POM121C: variants seen among roughly 807,000 people sequenced by gnomAD.
The protein encoded by POM121C is nuclear envelope pore membrane protein POM 121C.
Under a neutral mutation model 66.4 loss-of-function variants are expected in POM121C, and 20 were observed. The observed-to-expected ratio is 0.30, with a 90% CI of 0.21 to 0.44. POM121C has a LOEUF of 0.44. Among genes scored for constraint, POM121C ranks in the 20% least tolerant of loss-of-function variants. The pLI, the probability that POM121C is intolerant of heterozygous loss-of-function variation, is 1.00. For synonymous variants in POM121C, 286 were observed against 528.0 expected (o/e 0.54, Z 6.28); for missense variants, 580 against 1,225.7 (o/e 0.47, Z 7.87).
At chr7:75,442,055 G>A (rs1790670986) in intron 3 of POM121C, 3 of 1,273,906 alleles carry the variant, frequency 2.4e-6, no homozygotes, top group African/African-American at 3.1e-5. Flanking sequence ...CTTCGGATTT[G>A]ATGAAAATGC....
intron 1 of POM121C, among the ~76,000 whole-genome samples, chr7:75,476,246 G>A (rs1164755588): frequency 1.3e-5 from 2 of 150,230 alleles, no homozygotes; most frequent in Non-Finnish European, 3.0e-5. Flanking sequence ...AGCTGTGAAT[G>A]CAACACTGCA....
chr7:75,437,511 G>C lies in POM121C; in HGVS notation c.480+4C>G. On this transcript the variant is annotated splice_donor_region_variant and intron_variant, in intron 7 of 14. Transcript: ENST00000615331. ...CCCCCACATTACAAGAGCTGTACTTGTACCTGTGAGATGCCTCGAGTGGAG... is the reference window on the plus strand; with the variant it reads ...CCCCCACATTACAAGAGCTGTACTTCTACCTGTGAGATGCCTCGAGTGGAG... 1 of 1,610,946 alleles carries C rather than the reference G, an allele frequency of 6.2e-7. No individual in the cohort carries two copies. The highest frequency in any genetic ancestry group is 1.3e-5 in the African/African-American group (1 of 74,892).
chr7:75,472,616 C>G (rs1791920456), intron 3 of POM121C, among the ~76,000 whole-genome samples: 1 of 151,862 alleles, frequency 6.6e-6, no homozygotes, highest in African/African-American at 2.4e-5. Context: ...ACCAGCCTGA[C>G]CAATATGGTG....
chr7:75,441,465 G>A lies in POM121C; in HGVS notation c.32C>T (p.Ala11Val), dbSNP rs1309669156. The change falls in exon 4 of 15, where the codon GCC becomes GTC. Residue 11 changes from alanine (A) to valine (V), a missense_variant. Transcript: ENST00000615331. ...ACGTGAAAATCTTCTGTCAGGAGGG[G>A]CGATCCTCACAGTCACTGGGCTACA... MVCSPVTVRI[A>V]PPDRRFSRSA... 1 of 1,613,822 alleles carries A rather than the reference G, an allele frequency of 6.2e-7. No individual in the cohort carries two copies. Among genetic ancestry groups the A allele is most frequent in the African/African-American group, 1.3e-5 (1 of 74,896 alleles).
intron 7 of POM121C, among the ~76,000 whole-genome samples, chr7:75,434,423 C>T (rs1554472804): frequency 2.0e-5 from 3 of 151,502 alleles, no homozygotes; most frequent in Non-Finnish European, 4.4e-5. Flanking sequence ...TATAGGCACA[C>T]GCCACCACAC....
intron 3 of POM121C, among the ~76,000 whole-genome samples, chr7:75,447,007 C>CAAAAA (rs60389539): frequency 1.9e-4 from 10 of 53,532 alleles, no homozygotes; most frequent in Admixed American, 3.3e-4. Flanking sequence ...GACTCCGTCT[C>CAAAAA]AAAAAAAAAA....
Position 75,485,847 on chromosome 7 carries a change from A to G in POM121C, c.-458+17T>C, listed in dbSNP as rs1486555215. ...CCCAGGCCCTTCTCGCTCCGGGCCC[A>G]AAAACCCAAGACTTACCCTCCTGGG... On this transcript the variant is annotated intron_variant, in intron 1 of 14. Transcript: ENST00000615331. 7.9e-6 allele frequency: 4 copies of G among 504,406 alleles called. No individual in the cohort carries two copies. Among genetic ancestry groups the G allele is most frequent in the African/African-American group, 5.8e-5 (3 of 51,630 alleles). The allele number at this position is 504,406 out of a possible 1,614,324, so 31.2% of individuals were successfully genotyped here. A position where few individuals can be genotyped will look rare whatever the true frequency, so the allele number is the denominator to read the frequency against.
chr7:75,421,416 A>G, intron 13 of POM121C, 93 bp downstream of exon 13: 17 of 1,577,468 alleles, frequency 1.1e-5, no homozygotes, highest in Middle Eastern at 2.3e-4. Context: ...CTGTCTCTTC[A>G]CTGCCACAGC....
At chr7:75,433,437 G>A (rs1424141065) in intron 7 of POM121C, among the ~76,000 whole-genome samples, 1 of 151,130 alleles carries the variant, frequency 6.6e-6, no homozygotes, top group Non-Finnish European at 1.5e-5. Flanking sequence ...CTTACTGCAA[G>A]CTCCGCCTCC....
intron 6 of POM121C, 148 bp from the exon 7 acceptor site, chr7:75,437,834 T>C: frequency 7.4e-7 from 1 of 1,358,310 alleles, no homozygotes; most frequent in Non-Finnish European, 9.6e-7. Flanking sequence ...CAAATCTATC[T>C]GACAAAGTCA....
At chr7:75,424,735 G>C (rs1554471471) in intron 10 of POM121C, 107 bp from the exon 11 acceptor site, 1 of 1,457,008 alleles carries the variant, frequency 6.9e-7, no homozygotes, top group African/African-American at 1.4e-5. Flanking sequence ...AAGCCAGCTG[G>C]ATCACTTGAG....
chr7:75,471,649 G>A (rs1390068671), intron 3 of POM121C, among the ~76,000 whole-genome samples: 2 of 152,086 alleles, frequency 1.3e-5, no homozygotes, highest in African/African-American at 2.4e-5. Context: ...GACTTTCATC[G>A]AAGGAGTGGG....
intron 3 of POM121C, among the ~76,000 whole-genome samples, chr7:75,446,114 T>TGGTTAAAC (rs1554474666): frequency 2.2e-5 from 1 of 44,522 alleles, no homozygotes; most frequent in Non-Finnish European, 4.3e-5. Context: ...CACAGATACT[T>TGGTTAAAC]GGTTAAACAT....
At chr7:75,484,228 G>A (rs1456250288) in intron 1 of POM121C, 3 of 1,609,662 alleles carry the variant, frequency 1.9e-6, no homozygotes, top group African/African-American at 2.7e-5. Context: ...GCTGCTCTTG[G>A]AAACATGCAG....
In POM121C at chr7:75,416,919, C is replaced by T. The variant is rs183511957; in HGVS notation, c.*1877G>A. On this transcript the variant is annotated 3_prime_UTR_variant, in exon 15 of 15. Transcript: ENST00000615331. ...ATGGAAAGTCCCAGCCTCCCGCTGC[C>T]GTCCAGTGTGTGTACTGTACACATC... 283 of 1,427,556 alleles carry T rather than the reference C, an allele frequency of 2.0e-4. 3 individuals carry two copies. In the African/African-American group the frequency reaches 3.3e-3, roughly 17 times the overall value. The allele number at this position is 1,427,556 out of a possible 1,614,324, so 88.4% of individuals were successfully genotyped here.
At position 75,486,125 on chromosome 7, in the gene POM121C, C is replaced by G. The variant is rs1417739046; in HGVS notation, c.-719G>C. Reference sequence around the variant, plus strand: ...GGGTTCACGCTCGGGGGTCCCAGCTCGAGCCTCTACCCGGCCCGCGCGAAC... The same window carrying G: ...GGGTTCACGCTCGGGGGTCCCAGCTGGAGCCTCTACCCGGCCCGCGCGAAC... On this transcript the variant is annotated 5_prime_UTR_variant, in exon 1 of 15. Coordinates refer to ENST00000615331, the MANE Select transcript of POM121C (RefSeq NM_001099415.3). The G allele has an allele frequency of 4.9e-5, 17 of 344,866 alleles. 1 individual carries two copies. The highest frequency in any genetic ancestry group is 2.8e-4 in the South Asian group (13 of 46,910). 21.4% of individuals were successfully genotyped at this position (344,866 alleles called of 1,614,324 possible). A position where few individuals can be genotyped will look rare whatever the true frequency, so the allele number is the denominator to read the frequency against.
At chr7:75,438,721 G>A (rs1554473380) in intron 6 of POM121C, among the ~76,000 whole-genome samples, 1 of 152,206 alleles carries the variant, frequency 6.6e-6, no homozygotes, top group African/African-American at 2.4e-5. Context: ...TGCTGACTCA[G>A]ATGAGGTATC....
At chr7:75,429,850 T>C (rs1310953734) in intron 7 of POM121C, among the ~76,000 whole-genome samples, 1 of 151,992 alleles carries the variant, frequency 6.6e-6, no homozygotes, top group Non-Finnish European at 1.5e-5. Flanking sequence ...TTGTCTCTAC[T>C]ATAAGTTTTT....
rs782741661 is a variant in POM121C at position 75,439,171 on chromosome 7, C to T, written c.281G>A (p.Ser94Asn). ...AGGCACAAAAGAAGCGGGGACTCCA[C>T]TGGCCACCAGGGGCTCAAATGCTGA... ...GHSAFEPLVA[S>N]GVPASFVPKP... The change falls in exon 6 of 15, where the codon AGT becomes AAT. Residue 94 changes from serine (S) to asparagine (N), a missense_variant. Transcript: ENST00000615331. The T allele has an allele frequency of 1.2e-6, 2 of 1,614,134 alleles. No individual in the cohort carries two copies. The highest frequency in any genetic ancestry group is 1.7e-6 in the Non-Finnish European group (2 of 1,180,058).
Sources: gnomAD v4.1 joint callset for allele counts (sites outside exome capture counted in the v4.1 genomes callset) on GRCh38, gnomAD v4.1.1 for gene constraint, MANE v1.5 for transcripts, NCBI Gene and HGNC (gene_info 2026-07-23, HGNC 2026-07-21) for gene names.